Variants in A2M observed in about 807,000 individuals in gnomAD.
The protein encoded by A2M is C3 and PZP-like alpha-2-macroglobulin domain-containing protein 5.
Under a neutral mutation model 183.9 loss-of-function variants are expected in A2M, and 128 were observed. That is an observed-to-expected ratio of 0.70 (90% CI 0.60 to 0.81). The LOEUF (loss-of-function observed/expected upper bound fraction) is 0.81, where lower values mean the gene tolerates loss of function less well. Among genes scored for constraint, A2M ranks in the 30% least tolerant of loss-of-function variants. A2M has a pLI of 0.00. For missense variants in A2M, 1,495 were observed against 1,787.6 expected, an observed-to-expected ratio of 0.84 and a Z score of 2.95; for synonymous variants, 592 against 670.8, an observed-to-expected ratio of 0.88 and a Z score of 1.81.
At chr12:9,071,687 T>C (rs1442816595) in intron 31 of A2M, among the ~76,000 whole-genome samples, 1 of 152,200 alleles carries the variant, frequency 6.6e-6, no homozygotes, top group Non-Finnish European at 1.5e-5. Flanking sequence ...AATGAGAACA[T>C]GCAGTGTTTG....
chr12:9,101,716 C>A lies in A2M; in HGVS notation c.1267-42G>T, dbSNP rs1937873517. On this transcript the variant is annotated intron_variant, in intron 11 of 35. Coordinates refer to ENST00000318602, the MANE Select transcript of A2M (RefSeq NM_000014.6). ...ATTATATTATTTTTAGATTATACGT[C>A]ATAAAGATTAATGTTCTCACAAAAC... is the stretch of plus-strand genomic sequence containing the variant. The A allele has an allele frequency of 4.2e-6, 6 of 1,443,288 alleles. No homozygotes were observed. The South Asian group carries it at 6.3e-5, about 15-fold the overall frequency. The allele number at this position is 1,443,288 out of a possible 1,614,324, so 89.4% of individuals were successfully genotyped here.
At chr12:9,077,584 T>C (rs1280588164) in intron 26 of A2M, 117 bp downstream of exon 26, 1 of 1,517,542 alleles carries the variant, frequency 6.6e-7, no homozygotes, top group Non-Finnish European at 8.9e-7. Flanking sequence ...TTTGGTGCCA[T>C]CCAGGTTTTA....
chr12:9,072,783 G>A lies in A2M; in HGVS notation c.3845C>T (p.Ser1282Phe). The A allele has an allele frequency of 1.2e-6, 2 of 1,614,206 alleles. No homozygotes were observed. The highest frequency in any genetic ancestry group is 1.7e-6 in the Non-Finnish European group (2 of 1,180,042). The change falls in exon 30 of 36, where the codon TCT becomes TTT. Residue 1282 changes from serine (S) to phenylalanine (F), a missense_variant. Transcript: ENST00000318602. ...GAATTTGCTGGAAAATGTCCCTGAAGACTGGATAGTCACCTGTGCAGCCTT... is the reference window on the plus strand; with the variant it reads ...GAATTTGCTGGAAAATGTCCCTGAAAACTGGATAGTCACCTGTGCAGCCTT... Reference protein sequence around the residue: ...TGKAAQVTIQSSGTFSSKFQV... With the variant: ...TGKAAQVTIQFSGTFSSKFQV...
chr12:9,083,575 T>TA (rs1226858468), intron 22 of A2M, among the ~76,000 whole-genome samples: 1 of 151,322 alleles, frequency 6.6e-6, no homozygotes, highest in African/African-American at 2.4e-5. Context: ...AGCTCAAAGA[T>TA]AGAGTATTTG....
intron 17 of A2M, 48 bp from the exon 18 acceptor site, chr12:9,093,627 C>A: frequency 9.6e-7 from 1 of 1,044,370 alleles, no homozygotes; most frequent in Non-Finnish European, 1.3e-6. Context: ...ACAGATAAAG[C>A]TTATGAGAGA....
chr12:9,104,900 C>A (rs1003675814), intron 10 of A2M, among the ~76,000 whole-genome samples: 3 of 152,136 alleles, frequency 2.0e-5, no homozygotes, highest in Non-Finnish European at 4.4e-5. Flanking sequence ...CATAAGTGCA[C>A]AAGTAAACAA....
At chr12:9,106,009 G>A (rs141014328) in intron 10 of A2M, among the ~76,000 whole-genome samples, 2 of 152,182 alleles carry the variant, frequency 1.3e-5, no homozygotes, top group East Asian at 3.9e-4. Flanking sequence ...TTTTAATAAG[G>A]CCTTAGGATA....
Position 9,106,250 on chromosome 12 carries a change from G to T in A2M, c.1090C>A (p.Pro364Thr). Residue 364 changes from proline to threonine, a missense_variant, in exon 10 of 36, where the codon CCC (proline) becomes ACC (threonine). Physicochemically the swap from Pro to Thr is conservative, Grantham distance 38. Coordinates refer to ENST00000318602, the MANE Select transcript of A2M (RefSeq NM_000014.6). Reference protein sequence around the residue: ...KVDSHFRQGIPFFGQVRLVDG... With the variant: ...KVDSHFRQGITFFGQVRLVDG... The stretch of plus-strand genomic sequence containing the variant: ...AAATACTCCACCTGCCCAAAGAAGG[G>T]AATTCCCTGTCGAAAGTGTGAGTCC... 6.2e-7 allele frequency: 1 copy of T among 1,609,706 alleles called. No individual in the cohort carries two copies. Among genetic ancestry groups the T allele is most frequent in the Non-Finnish European group, 8.5e-7 (1 of 1,176,078 alleles).
chr12:9,097,853 A>C (rs1274006603), intron 15 of A2M, among the ~76,000 whole-genome samples: 4 of 152,120 alleles, frequency 2.6e-5, no homozygotes, highest in African/African-American at 9.7e-5. Flanking sequence ...GACTGGTCTC[A>C]AACTCCTGAT....
chr12:9,094,374 T>TATATAC (rs1491280573), intron 17 of A2M, among the ~76,000 whole-genome samples: 28 of 139,626 alleles, frequency 2.0e-4, no homozygotes, highest in African/African-American at 6.0e-4. Flanking sequence ...TATATATATA[T>TATATAC]ACCTATACAT....
At position 9,103,813 on chromosome 12, in the gene A2M, T is replaced by C. The variant is rs143995498; in HGVS notation, c.1266+426A>G. On this transcript the variant is annotated intron_variant, in intron 11 of 35. Transcript: ENST00000318602. ...CACATTTTGTTTACCTGTTCATCCC[T>C]TGATGGACATTTGGGTAGCCTCGAT... Among the ~76,000 whole-genome samples, 13 of 152,326 alleles carry C rather than the reference T, an allele frequency of 8.5e-5. No individual in the cohort carries two copies. In the East Asian group the frequency reaches 1.5e-3, roughly 18 times the overall value.
chr12:9,069,154 G>T (rs1948487687), intron 33 of A2M: 1 of 200,562 alleles, frequency 5.0e-6, no homozygotes, highest in Middle Eastern at 1.8e-3. Flanking sequence ...ATTTGGTATA[G>T]TTTGACTTCT....
intron 15 of A2M, among the ~76,000 whole-genome samples, 187 bp from the exon 16 acceptor site, chr12:9,095,887 G>C (rs966329633): frequency 1.3e-5 from 2 of 150,784 alleles, no homozygotes; most frequent in Admixed American, 6.6e-5. Flanking sequence ...AGCCTCCCGA[G>C]TAGCTGGGAC....
At chr12:9,099,287 C>T in intron 14 of A2M, 94 bp downstream of exon 14, 1 of 1,231,074 alleles carries the variant, frequency 8.1e-7, no homozygotes, top group Non-Finnish European at 1.2e-6. Flanking sequence ...TTGTTTAACC[C>T]TTTTGGCCCT....
At chr12:9,109,667 T>C (rs1264116483) in intron 6 of A2M, among the ~76,000 whole-genome samples, 200 bp downstream of exon 6, 1 of 152,218 alleles carries the variant, frequency 6.6e-6, no homozygotes, top group African/African-American at 2.4e-5. Flanking sequence ...TATTAAATAT[T>C]GCTACAGAAA....
chr12:9,069,335 T>A (rs1285803254), intron 33 of A2M, among the ~76,000 whole-genome samples: 1 of 152,226 alleles, frequency 6.6e-6, no homozygotes, highest in East Asian at 1.9e-4. Flanking sequence ...TGAACTGGTC[T>A]TATTATTTTA....
At chr12:9,099,977 T>C (rs1159260134) in intron 13 of A2M, among the ~76,000 whole-genome samples, 1 of 152,248 alleles carries the variant, frequency 6.6e-6, no homozygotes, top group African/African-American at 2.4e-5. Context: ...GTAGATTCTT[T>C]AGAGGTTGCA....
At chr12:9,101,034 G>A (rs1455528302) in intron 13 of A2M, 110 bp downstream of exon 13, 1 of 996,736 alleles carries the variant, frequency 1.0e-6, no homozygotes, top group East Asian at 2.6e-5. Context: ...AACACCACCT[G>A]TTCCCCCAAA....
chr12:9,072,195 T>C (rs1948598780), intron 31 of A2M, among the ~76,000 whole-genome samples, 164 bp downstream of exon 31: 1 of 152,246 alleles, frequency 6.6e-6, no homozygotes, highest in Non-Finnish European at 1.5e-5. Context: ...GGATGGACAA[T>C]GTAAACCCCA....
Sources: gnomAD v4.1 joint callset for allele counts (sites outside exome capture counted in the v4.1 genomes callset) on GRCh38, gnomAD v4.1.1 for gene constraint, MANE v1.5 for transcripts, NCBI Gene and HGNC (gene_info 2026-07-23, HGNC 2026-07-21) for gene names.